UGT1A6: variants seen among roughly 807,000 people sequenced by gnomAD.
UGT1A6 encodes UDP-glucuronosyltransferase 1A6.
A neutral mutation model predicts 44.4 loss-of-function variants in UGT1A6; 32 were observed. The observed-to-expected ratio is 0.72, with a 90% CI of 0.54 to 0.97. The LOEUF (loss-of-function observed/expected upper bound fraction) is 0.97, where lower values mean the gene tolerates loss of function less well. Among genes scored for constraint, UGT1A6 ranks in the 50% least tolerant of loss-of-function variants. UGT1A6 has a pLI of 0.00. For missense variants in UGT1A6, 685 were observed against 661.9 expected, an observed-to-expected ratio of 1.03 and a Z score of -0.38; for synonymous variants, 238 against 248.5, an observed-to-expected ratio of 0.96 and a Z score of 0.40.
At chr2:233,726,222 A>G (rs532622558) in intron 1 of UGT1A6, among the ~76,000 whole-genome samples, 1 of 152,320 alleles carries the variant, frequency 6.6e-6, no homozygotes, top group East Asian at 1.9e-4. Flanking sequence ...TTTAGAAAAC[A>G]TTTTTTAAAA....
At chr2:233,738,294 G>T (rs1255445696) in intron 1 of UGT1A6, among the ~76,000 whole-genome samples, 4 of 152,100 alleles carry the variant, frequency 2.6e-5, no homozygotes, top group Non-Finnish European at 4.4e-5. Flanking sequence ...CCCAGTCTTG[G>T]GTATGTCTTT....
chr2:233,697,449 T>C (rs2075391490), intron 1 of UGT1A6, among the ~76,000 whole-genome samples: 1 of 152,002 alleles, frequency 6.6e-6, no homozygotes, highest in Non-Finnish European at 1.5e-5. Flanking sequence ...TGATTTTATC[T>C]GAGTGTTTTC....
intron 1 of UGT1A6, chr2:233,761,173 T>G (rs771182197): frequency 9.9e-6 from 16 of 1,614,128 alleles, no homozygotes; most frequent in Middle Eastern, 3.3e-4. Context: ...AGTGGGACTT[T>G]TACATGCGTA....
intron 1 of UGT1A6, among the ~76,000 whole-genome samples, chr2:233,762,100 T>C (rs1697968145): frequency 6.6e-6 from 1 of 152,226 alleles, no homozygotes; most frequent in Non-Finnish European, 1.5e-5. Flanking sequence ...TAGTTGTTGA[T>C]TGTCCGCTTC....
At chr2:233,721,716 GT>G (rs1452034335) in intron 1 of UGT1A6, 1 of 386,646 alleles carries the variant, frequency 2.6e-6, no homozygotes, top group African/African-American at 2.1e-5. Context: ...TGGATGCTTT[GT>G]TTACTTGGAT....
At chr2:233,698,920 C>T (rs566818934) in intron 1 of UGT1A6, among the ~76,000 whole-genome samples, 4 of 152,334 alleles carry the variant, frequency 2.6e-5, no homozygotes, top group African/African-American at 7.2e-5. Flanking sequence ...GGGACGTGGC[C>T]GTCTCAGAGG....
intron 1 of UGT1A6, among the ~76,000 whole-genome samples, chr2:233,695,736 T>G (rs2075304736): frequency 1.3e-5 from 2 of 152,212 alleles, no homozygotes; most frequent in African/African-American, 4.8e-5. Flanking sequence ...TTTATGTTGC[T>G]GCACATGACA....
chr2:233,729,363 C>G (rs747061628), intron 1 of UGT1A6: 9 of 1,614,038 alleles, frequency 5.6e-6, no homozygotes, highest in Non-Finnish European at 5.9e-6. Flanking sequence ...CCCTGACAAC[C>G]TATGCCATTT....
chr2:233,713,528 T>C (rs1471082533), intron 1 of UGT1A6: 7 of 1,613,924 alleles, frequency 4.3e-6, no homozygotes, highest in Admixed American at 3.3e-5. Flanking sequence ...TTCCATGTGA[T>C]TTAGACTTTA....
At chr2:233,750,460 A>G (rs1694463339) in intron 1 of UGT1A6, among the ~76,000 whole-genome samples, 1 of 152,018 alleles carries the variant, frequency 6.6e-6, no homozygotes, top group South Asian at 2.1e-4. Flanking sequence ...CCAGCTACAG[A>G]AATACTGGCT....
chr2:233,714,886 C>A (rs930677023), intron 1 of UGT1A6, among the ~76,000 whole-genome samples: 24 of 134,284 alleles, frequency 1.8e-4, no homozygotes, highest in African/African-American at 6.3e-4. Flanking sequence ...TTAAATTTTT[C>A]TATCTTTTGA....
chr2:233,729,231 C>T (rs777258735), intron 1 of UGT1A6: 1 of 1,614,178 alleles, frequency 6.2e-7, no homozygotes, highest in East Asian at 2.2e-5. Context: ...TGGTGGTGCC[C>T]ATTGATGGCA....
intron 1 of UGT1A6, chr2:233,747,720 G>C: frequency 6.2e-7 from 1 of 1,613,342 alleles, no homozygotes; most frequent in African/African-American, 1.3e-5. Flanking sequence ...AATTCCTGCT[G>C]TGTTTTTTTT....
chr2:233,729,877 C>T, intron 1 of UGT1A6: 5 of 1,613,842 alleles, frequency 3.1e-6, no homozygotes, highest in Non-Finnish European at 4.2e-6. Flanking sequence ...TATTCTCAGT[C>T]ATGCATCTGT....
intron 1 of UGT1A6, chr2:233,760,247 T>TAA: frequency 6.2e-7 from 1 of 1,608,794 alleles, no homozygotes; most frequent in Non-Finnish European, 8.5e-7. Flanking sequence ...TATATATATA[T>TAA]AAGTAGGAGA....
rs17863788 is a variant in UGT1A6, at chr2:233,705,853, T to C, written c.861+11988T>C. 6.0e-3 allele frequency among the ~76,000 whole-genome samples: 911 copies of C among 152,278 alleles called. 8 individuals carry two copies. Among genetic ancestry groups the C allele is most frequent in the Middle Eastern group, 0.014 (4 of 294 alleles). ...AGTGGCTGGAGCTGAAGTGGGAAGCTGAGGCAGGCAGATCACTTGAGGCCA... is the reference window on the plus strand; with the variant it reads ...AGTGGCTGGAGCTGAAGTGGGAAGCCGAGGCAGGCAGATCACTTGAGGCCA... On this transcript the variant is annotated intron_variant, in intron 1 of 4. Coordinates refer to ENST00000305139, the MANE Select transcript of UGT1A6 (RefSeq NM_001072.4).
chr2:233,718,890 C>G, intron 1 of UGT1A6: 1 of 1,613,968 alleles, frequency 6.2e-7, no homozygotes. Flanking sequence ...CAGTGTCCAG[C>G]CCTGGGCTGA....
At chr2:233,753,361 T>G (rs1274018871) in intron 1 of UGT1A6, 1 of 152,246 alleles carries the variant, frequency 6.6e-6, no homozygotes, top group Admixed American at 6.5e-5. Context: ...ATTACTTGGG[T>G]GCCATTCCAT....
At chr2:233,753,441 T>A (rs1695206490) in intron 1 of UGT1A6, 2 of 152,230 alleles carry the variant, frequency 1.3e-5, no homozygotes, top group African/African-American at 4.8e-5. Flanking sequence ...GTTAATGATG[T>A]GTTCAGGCCA....
Sources: allele counts gnomAD v4.1 joint callset (sites outside exome capture counted in the v4.1 genomes callset), GRCh38; gene constraint gnomAD v4.1.1; transcripts MANE v1.5; gene names NCBI Gene and HGNC (gene_info 2026-07-23, HGNC 2026-07-21).